FYN: variants seen among roughly 807,000 people sequenced by gnomAD.
FYN encodes tyrosine-protein kinase Fyn.
In FYN, 10 loss-of-function variants were observed where a neutral mutation model predicts 70.2. The ratio of observed to expected loss-of-function variants is 0.14; its 90% confidence interval spans 0.09 to 0.24. FYN has a LOEUF of 0.24. Ranked by LOEUF, FYN falls within the 10% of genes least tolerant of loss-of-function variation. The pLI, the probability that FYN is intolerant of heterozygous loss-of-function variation, is 1.00. For synonymous variants in FYN, 236 were observed against 248.6 expected, an observed-to-expected ratio of 0.95 and a Z score of 0.48; for missense variants, 319 against 673.1, an observed-to-expected ratio of 0.47 and a Z score of 5.82.
At chr6:111,709,034 C>T (rs567145252) in intron 5 of FYN, 1 of 152,310 alleles carries the variant, frequency 6.6e-6, no homozygotes, top group Admixed American at 6.5e-5. Flanking sequence ...CTGACATCCA[C>T]TGAGTATCTG....
intron 12 of FYN, among the ~76,000 whole-genome samples, chr6:111,690,441 A>G (rs1018224193): frequency 6.6e-6 from 1 of 152,198 alleles, no homozygotes; most frequent in Non-Finnish European, 1.5e-5. Context: ...TCTTTCTCTG[A>G]AAGTAAGATC....
At chr6:111,745,886 A>G (rs1199735130) in intron 3 of FYN, among the ~76,000 whole-genome samples, 1 of 152,224 alleles carries the variant, frequency 6.6e-6, no homozygotes, top group Non-Finnish European at 1.5e-5. Context: ...GCCTTCAGTA[A>G]TGTTTCCCCT....
At chr6:111,696,687 A>C (rs1183528837) in intron 9 of FYN, 1 of 382,620 alleles carries the variant, frequency 2.6e-6, no homozygotes, top group Non-Finnish European at 4.6e-6. Flanking sequence ...TAACTCATTA[A>C]AATTTTTTTA....
chr6:111,774,586 C>A lies in FYN; in HGVS notation c.-12+5980G>T, dbSNP rs140433372. On this transcript the variant is annotated intron_variant, in intron 3 of 13. Transcript: ENST00000354650. ...CCTCCCCATCCCCCCCACACACTCCCAAATGCCTCCTGCCTTAGACATCAG... is the reference window on the plus strand; with the variant it reads ...CCTCCCCATCCCCCCCACACACTCCAAAATGCCTCCTGCCTTAGACATCAG... 2.1e-4 allele frequency among the ~76,000 whole-genome samples: 32 copies of A among 152,200 alleles called. No individual in the cohort carries two copies. In the East Asian group the frequency reaches 6.2e-3, roughly 29 times the overall value.
intron 3 of FYN, among the ~76,000 whole-genome samples, chr6:111,773,841 GC>G (rs2128502708): frequency 6.6e-6 from 1 of 152,210 alleles, no homozygotes. Flanking sequence ...TTCATTGTGT[GC>G]TCATCAAACT....
intron 13 of FYN, among the ~76,000 whole-genome samples, chr6:111,667,445 C>T (rs1798064111): frequency 6.6e-6 from 1 of 151,718 alleles, no homozygotes; most frequent in African/African-American, 2.4e-5. Context: ...GTAGAGATAG[C>T]ATCTTGCTAT....
At chr6:111,697,564 G>A (rs927641340) in intron 9 of FYN, among the ~76,000 whole-genome samples, 24 of 152,136 alleles carry the variant, frequency 1.6e-4, no homozygotes, top group African/African-American at 5.6e-4. Flanking sequence ...GAAAAAACAA[G>A]TGGCTTAAAG....
chr6:111,835,700 T>G (rs1340703181), intron 2 of FYN, among the ~76,000 whole-genome samples: 1 of 152,118 alleles, frequency 6.6e-6, no homozygotes, highest in Non-Finnish European at 1.5e-5. Flanking sequence ...TGTAATGAGC[T>G]AGAAAGTTAG....
In FYN at chr6:111,796,716, T is replaced by C. The variant is rs1045954430; in HGVS notation, c.-81-16081A>G. ...GGATCCTGCCATCATGGTGATGCTATGGGTAAGAAACCTTAATGATGTAAC... is the reference window on the plus strand; with the variant it reads ...GGATCCTGCCATCATGGTGATGCTACGGGTAAGAAACCTTAATGATGTAAC... On this transcript the variant is annotated intron_variant, in intron 2 of 13. Transcript: ENST00000354650. Among the ~76,000 whole-genome samples the C allele has an allele frequency of 9.8e-5, 15 of 152,344 alleles. No homozygotes were observed. In the East Asian group the frequency reaches 2.3e-3, roughly 23 times the overall value.
In FYN at chr6:111,678,534, A is replaced by G. The variant is rs995604315; in HGVS notation, c.1274-3904T>C. Among the ~76,000 whole-genome samples the G allele has an allele frequency of 3.9e-5, 6 of 152,154 alleles. 1 individual carries two copies. The highest frequency in any genetic ancestry group is 7.4e-5 in the Non-Finnish European group (5 of 68,022). On this transcript the variant is annotated intron_variant, in intron 12 of 13. Transcript: ENST00000354650. ...GATCTTATTCAATCCCATGGCTCCA[A>G]TGACTATCTTGACCCCAATGATGCC... is the stretch of plus-strand genomic sequence containing the variant.
At chr6:111,775,503 G>A (rs945760849) in intron 3 of FYN, among the ~76,000 whole-genome samples, 2 of 152,174 alleles carry the variant, frequency 1.3e-5, no homozygotes, top group South Asian at 2.1e-4. Flanking sequence ...TATGCACAGG[G>A]CTGATTTTCA....
intron 3 of FYN, among the ~76,000 whole-genome samples, chr6:111,735,444 T>C (rs1801667630): frequency 6.6e-6 from 1 of 152,200 alleles, no homozygotes; most frequent in Non-Finnish European, 1.5e-5. Flanking sequence ...GTGCTGGGTA[T>C]TATCATCATC....
At chr6:111,667,026 A>G (rs2128401489) in intron 13 of FYN, among the ~76,000 whole-genome samples, 1 of 152,210 alleles carries the variant, frequency 6.6e-6, no homozygotes, top group African/African-American at 2.4e-5. Context: ...TTATGATTAT[A>G]TTATCCTTTC....
At chr6:111,804,250 C>T (rs9487724) in intron 2 of FYN, among the ~76,000 whole-genome samples, 1 of 152,008 alleles carries the variant, frequency 6.6e-6, no homozygotes, top group Non-Finnish European at 1.5e-5. Flanking sequence ...GAAGAACACC[C>T]ACATCCCCTG....
chr6:111,662,975 T>G (rs1797825108), intron 13 of FYN, among the ~76,000 whole-genome samples: 1 of 152,216 alleles, frequency 6.6e-6, no homozygotes, highest in Non-Finnish European at 1.5e-5. Flanking sequence ...CGCTAACTCC[T>G]CAGAGAGTGC....
At chr6:111,750,357 G>C (rs896021841) in intron 3 of FYN, among the ~76,000 whole-genome samples, 7 of 152,060 alleles carry the variant, frequency 4.6e-5, no homozygotes, top group African/African-American at 1.7e-4. Context: ...CCTCTCTCCT[G>C]CTCCCACCAT....
chr6:111,705,409 A>T, intron 6 of FYN, among the ~76,000 whole-genome samples: 2 of 145,610 alleles, frequency 1.4e-5, no homozygotes, highest in Non-Finnish European at 1.5e-5. Context: ...TTCTTGAGAC[A>T]GGGTCTCACT....
At chr6:111,714,554 C>A in intron 4 of FYN, 111 bp from the exon 5 acceptor site, 1 of 770,102 alleles carries the variant, frequency 1.3e-6, no homozygotes, top group Admixed American at 2.1e-5. Flanking sequence ...CTAGCCAGCA[C>A]TAATAACATG....
chr6:111,745,601 A>T (rs991512298), intron 3 of FYN, among the ~76,000 whole-genome samples: 1 of 152,180 alleles, frequency 6.6e-6, no homozygotes, highest in Non-Finnish European at 1.5e-5. Context: ...GCAGGGCCCA[A>T]ATGTGAAGGA....
Sources: gnomAD v4.1 joint callset for allele counts (sites outside exome capture counted in the v4.1 genomes callset) on GRCh38, gnomAD v4.1.1 for gene constraint, MANE v1.5 for transcripts, NCBI Gene and HGNC (gene_info 2026-07-23, HGNC 2026-07-21) for gene names.